The following PCSK2 variants were observed in gnomAD, a reference collection of about 807,000 sequenced individuals.
PCSK2 encodes the protein proprotein convertase subtilisin/kexin type 2.
Under a neutral mutation model 69.7 loss-of-function variants are expected in PCSK2, and 14 were observed. The ratio of observed to expected loss-of-function variants is 0.20; its 90% CI spans 0.13 to 0.31. The LOEUF (loss-of-function observed/expected upper bound fraction) is 0.31. PCSK2 is among the 10% of genes least tolerant of loss of function. The pLI is 1.00. For synonymous variants in PCSK2, 307 were observed against 320.7 expected, an observed-to-expected ratio of 0.96 and a Z score of 0.46; for missense variants, 544 against 842.5, an observed-to-expected ratio of 0.65 and a Z score of 4.39.
At chr20:17,394,727 T>G (rs968445851) in intron 5 of PCSK2, among the ~76,000 whole-genome samples, 9 of 152,142 alleles carry the variant, frequency 5.9e-5, no homozygotes, top group African/African-American at 2.2e-4. Flanking sequence ...ACAAAGGGAT[T>G]GTGTGATTAA....
chr20:17,232,204 G>T (rs1290993460), intron 1 of PCSK2, among the ~76,000 whole-genome samples: 3 of 152,198 alleles, frequency 2.0e-5, no homozygotes, highest in African/African-American at 7.2e-5. Context: ...TCAGGGAGCA[G>T]AAATCTTGGG....
intron 2 of PCSK2, among the ~76,000 whole-genome samples, chr20:17,324,075 A>G (rs1989962743): frequency 6.6e-6 from 1 of 152,212 alleles, no homozygotes; most frequent in Non-Finnish European, 1.5e-5. Context: ...TGTTTTCTGT[A>G]CTATTCCCAG....
intron 1 of PCSK2, among the ~76,000 whole-genome samples, chr20:17,258,761 A>AGTGT (rs11467589): frequency 0.2 from 29,111 of 144,924 alleles, 2,872 homozygotes; most frequent in East Asian, 0.36. Context: ...CATAATATGT[A>AGTGT]GTGTGTGTGT....
intron 5 of PCSK2, among the ~76,000 whole-genome samples, chr20:17,375,079 G>A (rs2030884352): frequency 6.6e-6 from 1 of 152,148 alleles, no homozygotes; most frequent in African/African-American, 2.4e-5. Context: ...CAGGTTTGTT[G>A]CAAGGTATCC....
chr20:17,241,570 T>G (rs60326049), intron 1 of PCSK2, among the ~76,000 whole-genome samples: 5,906 of 152,272 alleles, frequency 0.039, 370 homozygotes, highest in African/African-American at 0.13. Flanking sequence ...GCACATCATT[T>G]AATAGATGAT....
intron 1 of PCSK2, among the ~76,000 whole-genome samples, chr20:17,238,220 A>C (rs962231528): frequency 1.3e-5 from 2 of 152,192 alleles, no homozygotes; most frequent in African/African-American, 2.4e-5. Context: ...AAAATAGAAA[A>C]ATAGTGTTAC....
At chr20:17,430,395 A>G (rs1600573706) in intron 7 of PCSK2, among the ~76,000 whole-genome samples, 1 of 152,178 alleles carries the variant, frequency 6.6e-6, no homozygotes, top group East Asian at 1.9e-4. Flanking sequence ...TTTTTTGTTT[A>G]CAACTGTCCT....
chr20:17,436,915 C>T, intron 8 of PCSK2, 32 bp downstream of exon 8: 1 of 1,556,972 alleles, frequency 6.4e-7, no homozygotes, highest in South Asian at 1.2e-5. Context: ...GCCCCGGCCA[C>T]TCACAAGTTG....
At chr20:17,423,577 C>T (rs2032180389) in intron 6 of PCSK2, among the ~76,000 whole-genome samples, 1 of 151,974 alleles carries the variant, frequency 6.6e-6, no homozygotes, top group South Asian at 2.1e-4. Flanking sequence ...ATTTCTTAAG[C>T]CACTAAACCA....
At chr20:17,309,008 A>T (rs2123107760) in intron 2 of PCSK2, among the ~76,000 whole-genome samples, 1 of 152,282 alleles carries the variant, frequency 6.6e-6, no homozygotes, top group South Asian at 2.1e-4. Context: ...ACAGACTCTG[A>T]CTCTTGATGG....
chr20:17,300,050 G>T (rs919588772), intron 2 of PCSK2, among the ~76,000 whole-genome samples: 3 of 152,156 alleles, frequency 2.0e-5, no homozygotes, highest in African/African-American at 4.8e-5. Context: ...CATACTTCAG[G>T]CCCAGAAAAG....
intron 5 of PCSK2, among the ~76,000 whole-genome samples, chr20:17,380,887 T>C (rs1021756838): frequency 1.3e-5 from 2 of 152,314 alleles, no homozygotes; most frequent in African/African-American, 4.8e-5. Flanking sequence ...AGTGTGTTAT[T>C]CTAAGTTTTC....
chr20:17,390,736 A>T (rs539113914), intron 5 of PCSK2, among the ~76,000 whole-genome samples: 1 of 152,304 alleles, frequency 6.6e-6, no homozygotes, highest in African/African-American at 2.4e-5. Context: ...CTTGCTCATC[A>T]TCAAAAAGAT....
chr20:17,254,423 T>A (rs1987104183), intron 1 of PCSK2, among the ~76,000 whole-genome samples: 1 of 152,216 alleles, frequency 6.6e-6, no homozygotes, highest in South Asian at 2.1e-4. Context: ...AATATCTAAT[T>A]GTCCAAGCAC....
chr20:17,482,924 A>G lies in PCSK2; in HGVS notation c.*854A>G, dbSNP rs1466575634. 1 of 152,170 alleles carries G rather than the reference A, an allele frequency of 6.6e-6. No homozygotes were observed. Among genetic ancestry groups the G allele is most frequent in the East Asian group, 1.9e-4 (1 of 5,196 alleles). The allele number at this position is 152,170 out of a possible 1,614,324, so 9.4% of individuals were successfully genotyped here. ...AAAAAATTAAGACAAGCCTGGCAAC[A>G]CACCTGGTGAAGAGTAGTTTACTAG... On this transcript the variant is annotated 3_prime_UTR_variant, in exon 12 of 12. Coordinates refer to ENST00000262545, the MANE Select transcript of PCSK2 (RefSeq NM_002594.5).
In PCSK2 at chr20:17,482,030, C is replaced by T; in HGVS notation, c.1877C>T (p.Ala626Val). 6.2e-7 allele frequency: 1 copy of T among 1,607,016 alleles called. No homozygotes were observed. Among genetic ancestry groups the T allele is most frequent in the Non-Finnish European group, 8.5e-7 (1 of 1,177,722 alleles). Residue 626 changes from alanine (A) to valine (V), a missense_variant, in exon 12 of 12, where the codon GCC (alanine) becomes GTC (valine). Transcript: ENST00000262545. ...GAGCTGGAGGAAGAGCTGGACGAAG[C>T]CGTGGAGAGAAGCCTGAAAAGCATC... ...KEELEEELDE[A>V]VERSLKSILN...
At position 17,362,297 on chromosome 20, in the gene PCSK2, C is replaced by T. The variant is rs116916993; in HGVS notation, c.505+1657C>T. On this transcript the variant is annotated intron_variant, in intron 4 of 11. Transcript: ENST00000262545. ...TCCCACAAAAGTAAACTCTGCCCCC[C>T]AATTACAATTCCTGGTTTCTTCTTC... Among the ~76,000 whole-genome samples the T allele has an allele frequency of 3.3e-3, 496 of 152,332 alleles. 2 individuals are homozygous for T. Among genetic ancestry groups the T allele is most frequent in the Middle Eastern group, 0.024 (7 of 294 alleles).
chr20:17,474,992 T>C (rs1308702384), intron 11 of PCSK2, among the ~76,000 whole-genome samples: 2 of 151,962 alleles, frequency 1.3e-5, no homozygotes, highest in Non-Finnish European at 2.9e-5. Context: ...TGTTTTAGGT[T>C]GGGTTGCTCG....
At chr20:17,338,802 G>A (rs538947451) in intron 2 of PCSK2, among the ~76,000 whole-genome samples, 1 of 152,166 alleles carries the variant, frequency 6.6e-6, no homozygotes, top group East Asian at 1.9e-4. Context: ...ACAAATACAT[G>A]TCATTCCTGG....
Sources: gnomAD v4.1 joint callset for allele counts (sites outside exome capture counted in the v4.1 genomes callset) on GRCh38, gnomAD v4.1.1 for gene constraint, MANE v1.5 for transcripts, NCBI Gene and HGNC (gene_info 2026-07-23, HGNC 2026-07-21) for gene names.